TNS1: variants seen among roughly 807,000 people sequenced by gnomAD.
TNS1 encodes tensin 1, also known as tensin-1.
A neutral mutation model predicts 168.6 loss-of-function variants in TNS1; 62 were observed. That is an observed-to-expected ratio of 0.37 (90% confidence interval 0.30 to 0.45). The LOEUF is 0.45. Ranked by LOEUF, TNS1 falls within the 20% of genes least tolerant of loss-of-function variation. TNS1 has a pLI of 1.00. For synonymous variants in TNS1, 934 were observed against 933.2 expected (o/e 1.00, Z -0.02); for missense variants, 2,240 against 2,339.4 (o/e 0.96, Z 0.88).
intron 18 of TNS1, among the ~76,000 whole-genome samples, chr2:217,874,235 C>T (rs748250893): frequency 6.6e-6 from 1 of 152,170 alleles, no homozygotes; most frequent in Non-Finnish European, 1.5e-5. Flanking sequence ...CAGTAGTATA[C>T]AAAACAAGTA....
chr2:217,893,647 T>G, intron 9 of TNS1, 86 bp from the exon 10 acceptor site: 1 of 1,490,800 alleles, frequency 6.7e-7, no homozygotes, highest in Non-Finnish European at 9.0e-7. Context: ...CACGTGCCAG[T>G]ACCTGGGCAG....
intron 11 of TNS1, 130 bp downstream of exon 11, chr2:217,892,818 G>C: frequency 1.9e-6 from 2 of 1,058,824 alleles, no homozygotes; most frequent in South Asian, 3.4e-5. Context: ...CCCTTCCCCC[G>C]TCCTCATCGC....
upstream of TNS1, among the ~76,000 whole-genome samples, chr2:218,011,640 C>A (rs1574480682): frequency 3.3e-5 from 5 of 152,210 alleles, no homozygotes; most frequent in South Asian, 1.0e-3. Flanking sequence ...TGGGCGGAGG[C>A]CCTGAAAGTT....
At chr2:217,978,191 T>A (rs1214683042) in intron 3 of TNS1, among the ~76,000 whole-genome samples, 1 of 152,014 alleles carries the variant, frequency 6.6e-6, no homozygotes, top group Non-Finnish European at 1.5e-5. Flanking sequence ...AAAATACTCA[T>A]GGGGAAATTG....
intron 12 of TNS1, among the ~76,000 whole-genome samples, chr2:217,888,128 G>A (rs1951389067): frequency 6.6e-6 from 1 of 152,158 alleles, no homozygotes; most frequent in Non-Finnish European, 1.5e-5. Context: ...TCCTATTCAG[G>A]CCCCTGCCCC....
chr2:217,920,385 A>G (rs773220640), intron 3 of TNS1, 149 bp from the exon 4 acceptor site: 5 of 618,956 alleles, frequency 8.1e-6, no homozygotes, highest in African/African-American at 1.8e-5. Context: ...CAGACTATGG[A>G]GCAACACAGA....
chr2:217,826,047 C>T (rs1943570655), intron 22 of TNS1, among the ~76,000 whole-genome samples: 1 of 152,132 alleles, frequency 6.6e-6, no homozygotes, highest in African/African-American at 2.4e-5. Flanking sequence ...CCCACCTGGC[C>T]CTGCCCTCAC....
chr2:217,827,629 A>G (rs114996905), intron 22 of TNS1, among the ~76,000 whole-genome samples: 2,055 of 152,306 alleles, frequency 0.013, 47 homozygotes, highest in African/African-American at 0.046. Flanking sequence ...CAGGAGACCA[A>G]TAACTCCAGT....
At position 217,920,226 on chromosome 2, in the gene TNS1, G is replaced by T; in HGVS notation, c.197C>A (p.Pro66His). The change falls in exon 4 of 33, where the codon CCC becomes CAC. Residue 66 changes from proline to histidine, a missense_variant. Physicochemically the swap from Pro to His is moderately conservative, Grantham distance 77 (BLOSUM62 -2). This residue lies in a region of TNS1 where 2,131 missense variants were observed against 2,171.2 expected (regional missense o/e 0.98). Transcript: ENST00000682258. ...HRKCQAKVAA[P>H]CVPPSNHELV... The stretch of plus-strand genomic sequence containing the variant: ...CTCATGGTTGGATGGAGGAACGCAG[G>T]GGGCAGCCACCTGTGGAAGGAACAG... The T allele has an allele frequency of 1.4e-6, 1 of 703,026 alleles. No individual in the cohort carries two copies. Among genetic ancestry groups the T allele is most frequent in the Non-Finnish European group, 2.6e-6 (1 of 385,006 alleles). The allele number at this position is 703,026 out of a possible 1,614,324, so 43.5% of individuals were successfully genotyped here. A position where few individuals can be genotyped will look rare whatever the true frequency, so the allele number is the denominator to read the frequency against.
At chr2:218,014,921 AAGGCAGGCAGGCAGGC>A (rs1175728124), upstream of TNS1, among the ~76,000 whole-genome samples, 59 of 76,304 alleles carry the variant, frequency 7.7e-4, 1 homozygote, top group African/African-American at 2.3e-3. Context: ...GGAAGGAAGG[AAGGCAGGCAGGCAGGC>A]AGGCAGGCAG....
intron 4 of TNS1, among the ~76,000 whole-genome samples, chr2:217,912,959 GA>G (rs1954599341): frequency 6.6e-6 from 1 of 152,194 alleles, no homozygotes; most frequent in Non-Finnish European, 1.5e-5. Context: ...TGAGGAGACG[GA>G]GTTTCCAGGG....
Position 217,885,102 on chromosome 2 carries a change from G to A in TNS1, c.1179C>T (p.Phe393=). 6.2e-7 allele frequency: 1 copy of A among 1,614,220 alleles called. No individual in the cohort carries two copies. The highest frequency in any genetic ancestry group is 8.5e-7 in the Non-Finnish European group (1 of 1,180,044). The change falls in exon 16 of 33, where the codon TTC becomes TTT. Residue 393 remains phenylalanine (F), a synonymous_variant. Coordinates refer to ENST00000682258, the MANE Select transcript of TNS1 (RefSeq NM_001387777.1). ...PARDVIFRVQ[F]HTCAIHDLGV... is the part of the protein sequence containing the mutation. ...CCAGGTCATGGATGGCACAGGTGTGGAACTGCACACGGAAGATGACGTCTC... is the reference window on the plus strand; with the variant it reads ...CCAGGTCATGGATGGCACAGGTGTGAAACTGCACACGGAAGATGACGTCTC...
chr2:217,852,939 A>G (rs1318637562), intron 18 of TNS1, among the ~76,000 whole-genome samples: 1 of 152,142 alleles, frequency 6.6e-6, no homozygotes, highest in East Asian at 1.9e-4. Context: ...GGAGGTTTTG[A>G]GAATACCCAG....
intron 30 of TNS1, 104 bp downstream of exon 30, chr2:217,809,719 T>G: frequency 1.6e-6 from 2 of 1,212,890 alleles, no homozygotes; most frequent in Non-Finnish European, 2.4e-6. Context: ...AGATGAGCAG[T>G]TGGGTGCAAG....
At chr2:217,814,823 C>G in intron 25 of TNS1, 89 bp downstream of exon 25, 1 of 1,103,744 alleles carries the variant, frequency 9.1e-7, no homozygotes, top group Non-Finnish European at 1.3e-6. Flanking sequence ...ACAAAGAGGA[C>G]TGAATTTGCC....
chr2:218,020,877 G>A (rs1471717287), intron 1 of TNS1, among the ~76,000 whole-genome samples: 1 of 152,202 alleles, frequency 6.6e-6, no homozygotes, highest in Non-Finnish European at 1.5e-5. Context: ...TGCAGGGTAA[G>A]GGAGGAGAGC....
chr2:217,805,298 G>A (rs1938305315), intron 32 of TNS1, among the ~76,000 whole-genome samples: 1 of 151,876 alleles, frequency 6.6e-6, no homozygotes, highest in South Asian at 2.1e-4. Flanking sequence ...TAATTAGAGC[G>A]AGATGGGGAA....
upstream of TNS1, among the ~76,000 whole-genome samples, chr2:218,005,297 G>A (rs550666867): frequency 2.0e-5 from 3 of 152,186 alleles, no homozygotes; most frequent in Non-Finnish European, 4.4e-5. Context: ...CAACTTGTCT[G>A]GCCTCCTACA....
chr2:217,985,453 T>C (rs1372821751), intron 2 of TNS1: 1 of 152,038 alleles, frequency 6.6e-6, no homozygotes, highest in Non-Finnish European at 1.5e-5. Flanking sequence ...AGTTTCACTC[T>C]TGTTGCCCAG....
Sources: allele counts gnomAD v4.1 joint callset (sites outside exome capture counted in the v4.1 genomes callset), GRCh38; gene constraint gnomAD v4.1.1; regional missense constraint gnomAD v4.1.1; transcripts MANE v1.5; gene names NCBI Gene and HGNC (gene_info 2026-07-23, HGNC 2026-07-21).